Variants in RBKS observed in about 807,000 individuals in gnomAD.
RBKS encodes the protein ribokinase.
Under a neutral mutation model 33.9 loss-of-function variants are expected in RBKS, and 33 were observed. The observed-to-expected ratio is 0.97, with a 90% confidence interval of 0.74 to 1.30. The LOEUF (loss-of-function observed/expected upper bound fraction) is 1.30, where lower values mean the gene tolerates loss of function less well. Ranked by LOEUF, RBKS falls within the 50% of genes most tolerant of loss-of-function variation. The pLI is 0.00. For missense variants in RBKS, 361 were observed against 392.6 expected (o/e 0.92, Z 0.68); for synonymous variants, 125 against 143.0 (o/e 0.87, Z 0.90).
At chr2:27,800,503 G>A (rs1367465028) in intron 7 of RBKS, among the ~76,000 whole-genome samples, 7 of 152,152 alleles carry the variant, frequency 4.6e-5, no homozygotes, top group Admixed American at 3.9e-4. Context: ...AGTAATGTAT[G>A]TGAAAAGGCT....
chr2:27,864,388 A>G (rs1558553902), intron 1 of RBKS, among the ~76,000 whole-genome samples: 1 of 152,196 alleles, frequency 6.6e-6, no homozygotes, highest in Non-Finnish European at 1.5e-5. Flanking sequence ...GAATTTGTAG[A>G]GTGGACAAAC....
Position 27,792,614 on chromosome 2 carries a change from A to G in RBKS, c.796-10826T>C, listed in dbSNP as rs185070582. Among the ~76,000 whole-genome samples, 289 of 152,136 alleles carry G rather than the reference A, an allele frequency of 1.9e-3. 1 individual carries two copies. Among genetic ancestry groups the G allele is most frequent in the African/African-American group, 6.6e-3 (273 of 41,484 alleles). On this transcript the variant is annotated intron_variant, in intron 7 of 7. Coordinates refer to ENST00000302188, the MANE Select transcript of RBKS (RefSeq NM_022128.3). The stretch of plus-strand genomic sequence containing the variant: ...CTTAACACATGTCGTTTCTTCATTT[A>G]TTTTTCCACTTCCTCCCTTGACCTC...
chr2:27,876,460 A>C lies in RBKS; in HGVS notation c.89+13797T>G, dbSNP rs1313002455. On this transcript the variant is annotated intron_variant, in intron 1 of 7. Transcript: ENST00000302188. ...TCCACAGGTTACAGAGGCTCTGTGCATTTTTTCTTTATGCTTAAATTTAGA... is the reference window on the plus strand; with the variant it reads ...TCCACAGGTTACAGAGGCTCTGTGCCTTTTTTCTTTATGCTTAAATTTAGA... Among the ~76,000 whole-genome samples the C allele has an allele frequency of 3.9e-5, 6 of 152,236 alleles. No individual in the cohort carries two copies. In the East Asian group the frequency reaches 9.6e-4, roughly 24 times the overall value.
At chr2:27,866,393 T>TG (rs1321166589) in intron 1 of RBKS, among the ~76,000 whole-genome samples, 2 of 152,212 alleles carry the variant, frequency 1.3e-5, no homozygotes, top group African/African-American at 4.8e-5. Context: ...TGTGCTCTGA[T>TG]GTAGTTTATA....
intron 1 of RBKS, among the ~76,000 whole-genome samples, chr2:27,875,640 G>A (rs964072696): frequency 4.6e-5 from 7 of 152,182 alleles, no homozygotes; most frequent in Non-Finnish European, 7.3e-5. Context: ...ACAGACATGA[G>A]TCCAAAAGAT....
chr2:27,787,308 T>C (rs931771126), intron 7 of RBKS, among the ~76,000 whole-genome samples: 4 of 152,214 alleles, frequency 2.6e-5, no homozygotes, highest in Non-Finnish European at 5.9e-5. Flanking sequence ...GGTGTGTGCT[T>C]GTAGTCCTAG....
chr2:27,887,865 GTTTA>G (rs1664571601), intron 1 of RBKS, among the ~76,000 whole-genome samples: 1 of 152,086 alleles, frequency 6.6e-6, no homozygotes, highest in Non-Finnish European at 1.5e-5. Flanking sequence ...CTGGGCTTCA[GTTTA>G]TTTATCTAAA....
intron 7 of RBKS, among the ~76,000 whole-genome samples, chr2:27,811,319 G>T (rs1188981578): frequency 2.6e-5 from 4 of 152,184 alleles, no homozygotes; most frequent in Admixed American, 6.5e-5. Context: ...GTCTTATTAT[G>T]CCAGTGTGTC....
At chr2:27,797,917 G>A (rs138613914) in intron 7 of RBKS, among the ~76,000 whole-genome samples, 19 of 152,278 alleles carry the variant, frequency 1.2e-4, no homozygotes, top group African/African-American at 4.1e-4. Flanking sequence ...GGGCTGCTCA[G>A]AGAGGAGGAT....
chr2:27,849,559 CAAAAAAAAAAAAAAAAAA>C (rs70953894), intron 2 of RBKS, among the ~76,000 whole-genome samples: 39 of 28,602 alleles, frequency 1.4e-3, no homozygotes, highest in Non-Finnish European at 2.5e-3. Flanking sequence ...GACTCTGTCT[CAAAAAAAAAAAAAAAAAA>C]AAAAAAAAAG....
intron 1 of RBKS, among the ~76,000 whole-genome samples, chr2:27,872,937 G>A (rs1664243797): frequency 6.6e-6 from 1 of 152,192 alleles, no homozygotes; most frequent in African/African-American, 2.4e-5. Flanking sequence ...GCAAAACACT[G>A]GCAGGGTTGG....
intron 7 of RBKS, among the ~76,000 whole-genome samples, chr2:27,794,256 C>T (rs561547273): frequency 2.0e-5 from 3 of 150,450 alleles, no homozygotes; most frequent in South Asian, 4.2e-4. Context: ...GAGATTGTGC[C>T]ACTGCACTCC....
At chr2:27,833,656 G>C (rs756156269) in intron 5 of RBKS, among the ~76,000 whole-genome samples, 8 of 152,168 alleles carry the variant, frequency 5.3e-5, no homozygotes, top group Non-Finnish European at 1.2e-4. Context: ...CTAGAAAAAG[G>C]GGCCTCTCTA....
intron 7 of RBKS, among the ~76,000 whole-genome samples, chr2:27,821,932 C>T (rs1432514488): frequency 1.3e-5 from 2 of 152,202 alleles, no homozygotes; most frequent in Non-Finnish European, 2.9e-5. Context: ...CAGTAAGGGA[C>T]ACCGAAACAT....
intron 7 of RBKS, among the ~76,000 whole-genome samples, chr2:27,808,007 G>A (rs919908471): frequency 2.6e-5 from 4 of 152,150 alleles, no homozygotes; most frequent in Admixed American, 2.6e-4. Flanking sequence ...TACAGCAAAT[G>A]CTGACACAAA....
intron 7 of RBKS, among the ~76,000 whole-genome samples, chr2:27,813,730 T>C (rs1390651966): frequency 2.7e-5 from 4 of 150,884 alleles, no homozygotes; most frequent in African/African-American, 9.8e-5. Flanking sequence ...CCAGAGAAAA[T>C]AGGGGAAAGG....
chr2:27,810,679 C>T lies in RBKS; in HGVS notation c.795+16888G>A, dbSNP rs1677973319. On this transcript the variant is annotated intron_variant, in intron 7 of 7. Coordinates refer to ENST00000302188, the MANE Select transcript of RBKS (RefSeq NM_022128.3). The surrounding 1 kb of genome is among the most constrained non-coding windows in gnomAD (Gnocchi z 4.4). The stretch of plus-strand genomic sequence containing the variant: ...ATCTTAGTTATCGCCCCACTGCCCC[C>T]ACTTTTTTTAAGGAAATGAACTATC... Among the ~76,000 whole-genome samples, 1 of 152,084 alleles carries T rather than the reference C, an allele frequency of 6.6e-6. No homozygotes were observed. The highest frequency in any genetic ancestry group is 1.5e-5 in the Non-Finnish European group (1 of 68,016).
At chr2:27,815,201 G>A (rs1312883128) in intron 7 of RBKS, among the ~76,000 whole-genome samples, 1 of 152,056 alleles carries the variant, frequency 6.6e-6, no homozygotes, top group Non-Finnish European at 1.5e-5. Context: ...TTGGCTCTAG[G>A]TGGTTTTTTT....
chr2:27,882,917 G>C (rs1223708720), intron 1 of RBKS, among the ~76,000 whole-genome samples: 1 of 152,070 alleles, frequency 6.6e-6, no homozygotes, highest in African/African-American at 2.4e-5. Context: ...CACACACTGG[G>C]GTCTACCTGA....
Sources: gnomAD v4.1 joint callset for allele counts (sites outside exome capture counted in the v4.1 genomes callset) on GRCh38, gnomAD v4.1.1 for gene constraint, Gnocchi (gnomAD v3.1) non-coding constraint, MANE v1.5 for transcripts, NCBI Gene and HGNC (gene_info 2026-07-23, HGNC 2026-07-21) for gene names.